Variants in MYO16 observed in about 807,000 individuals in gnomAD.
MYO16 encodes unconventional myosin-XVI.
In MYO16, 94 loss-of-function variants were observed where a neutral mutation model predicts 205.3. That is an observed-to-expected ratio of 0.46 (90% CI 0.39 to 0.54). The LOEUF is 0.54. Ranked by LOEUF, MYO16 falls within the 20% of genes least tolerant of loss-of-function variation. The pLI, the probability that MYO16 is intolerant of heterozygous loss-of-function variation, is 0.00. For missense variants in MYO16, 2,315 were observed against 2,387.5 expected (o/e 0.97, Z 0.63); for synonymous variants, 988 against 954.0 (o/e 1.04, Z -0.66).
intron 23 of MYO16, among the ~76,000 whole-genome samples, chr13:109,031,064 A>G (rs1886533804): frequency 6.6e-6 from 1 of 152,130 alleles, no homozygotes; most frequent in Admixed American, 6.6e-5. Context: ...AATTATCATT[A>G]AAGAATAAAG....
At position 108,677,349 on chromosome 13, in the gene MYO16, ATATATG is replaced by A. The variant is rs879695600; in HGVS notation, c.292+11201_292+11206del. The stretch of plus-strand genomic sequence containing the variant: ...TGTGTGTGTGTGTATATATATATAT[ATATATG>A]CATATATATATATATATGCATATAT... On this transcript the variant is annotated intron_variant, in intron 2 of 34. Transcript: ENST00000457511. 2.6e-3 allele frequency among the ~76,000 whole-genome samples: 233 copies of A among 89,204 alleles called. 2 individuals are homozygous for A. The highest frequency in any genetic ancestry group is 6.6e-3 in the Middle Eastern group (1 of 152). 58.5% of individuals were successfully genotyped at this position (89,204 alleles called of 152,430 possible).
intron 34 of MYO16, among the ~76,000 whole-genome samples, chr13:109,191,841 G>A (rs9559513): frequency 0.06 from 9,121 of 152,146 alleles, 756 homozygotes; most frequent in East Asian, 0.28. Context: ...CATTTTACTC[G>A]GTTTGGAAAC....
intron 20 of MYO16, among the ~76,000 whole-genome samples, chr13:108,967,761 T>C (rs1284069478): frequency 6.6e-6 from 1 of 152,216 alleles, no homozygotes; most frequent in East Asian, 1.9e-4. Flanking sequence ...AGCATGTACA[T>C]GTAAATTACC....
At chr13:109,047,595 A>G (rs952192209) in intron 24 of MYO16, among the ~76,000 whole-genome samples, 5 of 152,166 alleles carry the variant, frequency 3.3e-5, no homozygotes, top group Non-Finnish European at 1.5e-5. Flanking sequence ...AATTAAATGT[A>G]TATTCATACA....
chr13:108,616,594 C>T (rs1404475684), intron 1 of MYO16, among the ~76,000 whole-genome samples: 2 of 152,132 alleles, frequency 1.3e-5, no homozygotes, highest in Non-Finnish European at 2.9e-5. Context: ...AGATTTCTCT[C>T]TGTGCCCTTG....
At chr13:108,832,002 G>A (rs529541361) in intron 9 of MYO16, among the ~76,000 whole-genome samples, 94 of 152,090 alleles carry the variant, frequency 6.2e-4, no homozygotes, top group Non-Finnish European at 1.1e-3. Context: ...ATATTGGCTG[G>A]TGCTACAGCT....
chr13:109,001,402 C>G (rs958210192), intron 21 of MYO16, among the ~76,000 whole-genome samples: 1 of 152,034 alleles, frequency 6.6e-6, no homozygotes, highest in Non-Finnish European at 1.5e-5. Flanking sequence ...CACCCAAGTC[C>G]TCTATTTTTA....
chr13:108,549,289 G>A, the MYO16 span, among the ~76,000 whole-genome samples: 11 of 152,144 alleles, frequency 7.2e-5, 1 homozygote, highest in Non-Finnish European at 1.6e-4. Context: ...CACACAGCTG[G>A]TTTTGAAGGG....
the MYO16 span, among the ~76,000 whole-genome samples, chr13:108,579,135 C>T: frequency 3.9e-4 from 60 of 152,216 alleles, no homozygotes; most frequent in Non-Finnish European, 6.6e-4. Context: ...TGCTTGGCCT[C>T]TTGTGGAAAC....
intron 7 of MYO16, among the ~76,000 whole-genome samples, chr13:108,819,881 A>C (rs1875868398): frequency 6.6e-6 from 1 of 152,196 alleles, no homozygotes; most frequent in African/African-American, 2.4e-5. Context: ...TAAGGAGTAT[A>C]GCTTATGTAC....
intron 32 of MYO16, among the ~76,000 whole-genome samples, chr13:109,150,082 C>T (rs1460133091): frequency 2.0e-5 from 3 of 152,162 alleles, no homozygotes; most frequent in Non-Finnish European, 4.4e-5. Context: ...GGTGGGCCCT[C>T]ACCTAGCACC....
At chr13:108,747,459 T>A (rs938266763) in intron 4 of MYO16, among the ~76,000 whole-genome samples, 2 of 152,258 alleles carry the variant, frequency 1.3e-5, no homozygotes, top group Middle Eastern at 6.8e-3. Flanking sequence ...ATAGTGTCAT[T>A]TGAAGGTAGA....
At chr13:108,908,986 T>A (rs867235614) in intron 15 of MYO16, among the ~76,000 whole-genome samples, 1,690 of 138,946 alleles carry the variant, frequency 0.012, 20 homozygotes, top group East Asian at 0.03. Flanking sequence ...AAAAATAAAA[T>A]AAAATAAATA....
chr13:109,003,835 T>C (rs1334742211), intron 21 of MYO16, among the ~76,000 whole-genome samples: 1 of 152,150 alleles, frequency 6.6e-6, no homozygotes, highest in Non-Finnish European at 1.5e-5. Flanking sequence ...GCAATCAGAT[T>C]GTGATCGAAA....
chr13:108,885,684 T>A lies in MYO16; in HGVS notation c.1553+2498T>A, dbSNP rs144952072. On this transcript the variant is annotated intron_variant, in intron 13 of 34. Transcript: ENST00000457511. ...CCTTGACTAGATTATTTCTATGTATTATTTATTTCTTTAGAATTTACATAA... is the reference window on the plus strand; with the variant it reads ...CCTTGACTAGATTATTTCTATGTATAATTTATTTCTTTAGAATTTACATAA... Among the ~76,000 whole-genome samples, 443 of 152,336 alleles carry A rather than the reference T, an allele frequency of 2.9e-3. 9 individuals are homozygous for A. The East Asian group carries it at 0.061, about 21-fold the overall frequency.
intron 23 of MYO16, among the ~76,000 whole-genome samples, chr13:109,040,967 T>TA (rs1056048597): frequency 6.6e-6 from 1 of 151,746 alleles, no homozygotes; most frequent in African/African-American, 2.4e-5. Context: ...AAATCTACCA[T>TA]AAAAAAAGAA....
chr13:108,675,887 C>T (rs1320694133), intron 2 of MYO16, among the ~76,000 whole-genome samples: 1 of 152,106 alleles, frequency 6.6e-6, no homozygotes, highest in African/African-American at 2.4e-5. Flanking sequence ...GCTGTCTGTC[C>T]CCGGCCAGGG....
intron 20 of MYO16, among the ~76,000 whole-genome samples, chr13:108,969,711 T>G (rs1359672101): frequency 1.3e-5 from 2 of 152,232 alleles, no homozygotes; most frequent in East Asian, 3.8e-4. Context: ...ACAGCACCAT[T>G]GTAGGGCTTC....
At position 109,068,665 on chromosome 13, in the gene MYO16, C is replaced by T. The variant is rs756100243; in HGVS notation, c.3335+13070C>T. Among the ~76,000 whole-genome samples, 4 of 150,140 alleles carry T rather than the reference C, an allele frequency of 2.7e-5. No individual in the cohort carries two copies. In the South Asian group the frequency reaches 8.4e-4, roughly 31 times the overall value. On this transcript the variant is annotated intron_variant, in intron 27 of 34. Transcript: ENST00000457511. Reference sequence around the variant, plus strand: ...GGAGTGCAATGGCACAGTCTTGGCTCACTGCAACCTCCACCTCCCGAGTTC... The same window carrying T: ...GGAGTGCAATGGCACAGTCTTGGCTTACTGCAACCTCCACCTCCCGAGTTC...
Sources: gnomAD v4.1 joint callset for allele counts (sites outside exome capture counted in the v4.1 genomes callset) on GRCh38, gnomAD v4.1.1 for gene constraint, MANE v1.5 for transcripts, NCBI Gene and HGNC (gene_info 2026-07-23, HGNC 2026-07-21) for gene names.